The following KAT6B variants were observed in gnomAD, a reference collection of about 807,000 sequenced individuals.
The protein encoded by KAT6B is histone acetyltransferase KAT6B.
In KAT6B, 10 loss-of-function variants were observed where a neutral mutation model predicts 187.5. The observed-to-expected ratio is 0.05, with a 90% confidence interval of 0.03 to 0.09. The LOEUF (loss-of-function observed/expected upper bound fraction) is 0.09. KAT6B is among the 10% of genes least tolerant of loss of function. KAT6B has a pLI of 1.00. For synonymous variants in KAT6B, 861 were observed against 926.8 expected (o/e 0.93, Z 1.29); for missense variants, 1,952 against 2,558.9 (o/e 0.76, Z 5.12).
chr10:74,842,452 A>G, intron 2 of KAT6B, 148 bp from the exon 3 acceptor site: 1 of 436,044 alleles, frequency 2.3e-6, no homozygotes, highest in Non-Finnish European at 4.0e-6. Context: ...GTTGAAAAAT[A>G]TAGTCACTGT....
At chr10:74,915,285 C>G (rs779912701) in intron 3 of KAT6B, among the ~76,000 whole-genome samples, 3 of 152,160 alleles carry the variant, frequency 2.0e-5, no homozygotes, top group Non-Finnish European at 2.9e-5. Context: ...AATGCATACT[C>G]TCTTCACCCC....
Position 75,029,087 on chromosome 10 carries a change from C to T in KAT6B, c.4263C>T (p.Asn1421=), listed in dbSNP as rs148928516. The part of the protein sequence containing the change: ...EEEEDEEPSH[N]EDHDADDEDD... ...AAGAGGATGAAGAGCCATCCCACAACGAGGACCATGATGCCGATGACGAGG... is the reference window on the plus strand; with the variant it reads ...AAGAGGATGAAGAGCCATCCCACAATGAGGACCATGATGCCGATGACGAGG... The change falls in exon 18 of 18, where the codon AAC becomes AAT. Residue 1421 remains asparagine, a synonymous_variant. Transcript: ENST00000287239. The surrounding 1 kb of genome is among the most constrained non-coding windows in gnomAD (Gnocchi z 6.2). The T allele has an allele frequency of 2.6e-5, 42 of 1,614,126 alleles. No homozygotes were observed. In the African/African-American group the frequency reaches 3.1e-4, roughly 12 times the overall value.
chr10:75,026,820 G>C (rs1306832804), intron 17 of KAT6B, among the ~76,000 whole-genome samples: 1 of 152,080 alleles, frequency 6.6e-6, no homozygotes, highest in African/African-American at 2.4e-5. Flanking sequence ...AAGCCGGTAG[G>C]TCCAGTAGCA....
chr10:74,945,312 C>T (rs886937400), intron 3 of KAT6B, among the ~76,000 whole-genome samples: 8 of 151,936 alleles, frequency 5.3e-5, no homozygotes, highest in African/African-American at 1.2e-4. Context: ...TTATAACAGG[C>T]GAAACTAATC....
chr10:74,848,822 A>C (rs1842287618), intron 3 of KAT6B, among the ~76,000 whole-genome samples: 1 of 152,322 alleles, frequency 6.6e-6, no homozygotes, highest in South Asian at 2.1e-4. Flanking sequence ...TGATTGTACT[A>C]TAATTTCCTA....
At chr10:74,834,281 A>G (rs1841103152) in intron 1 of KAT6B, among the ~76,000 whole-genome samples, 1 of 147,614 alleles carries the variant, frequency 6.8e-6, no homozygotes, top group Non-Finnish European at 1.5e-5. Flanking sequence ...CACTGCATCC[A>G]CCACCTCCGG....
rs918638679 is a variant in KAT6B at position 75,024,945 on chromosome 10, G to A, written c.3373-13G>A. The A allele has an allele frequency of 6.2e-7, 1 of 1,613,290 alleles. No individual in the cohort carries two copies. Among genetic ancestry groups the A allele is most frequent in the Middle Eastern group, 1.6e-4 (1 of 6,062 alleles). ...CATGAGCTCTTATGTGTTATGTTTGGAATTAATTTCAGAGGCCTTTTGTAC... is the reference window on the plus strand; with the variant it reads ...CATGAGCTCTTATGTGTTATGTTTGAAATTAATTTCAGAGGCCTTTTGTAC... On this transcript the variant is annotated splice_polypyrimidine_tract_variant and intron_variant, in intron 16 of 17. Transcript: ENST00000287239.
intron 3 of KAT6B, among the ~76,000 whole-genome samples, chr10:74,892,196 A>C (rs1413573269): frequency 2.0e-5 from 3 of 152,124 alleles, no homozygotes; most frequent in Non-Finnish European, 1.5e-5. Flanking sequence ...AGCAAGACCC[A>C]GTCTCTACAC....
intron 8 of KAT6B, 73 bp downstream of exon 8, chr10:74,976,403 C>A: frequency 2.5e-6 from 3 of 1,196,244 alleles, no homozygotes; most frequent in Non-Finnish European, 3.7e-6. Flanking sequence ...AAAAATCAAC[C>A]AATCAATTCC....
intron 3 of KAT6B, among the ~76,000 whole-genome samples, chr10:74,900,857 G>A (rs1184383342): frequency 2.0e-5 from 3 of 152,194 alleles, no homozygotes; most frequent in Admixed American, 6.5e-5. Flanking sequence ...TATTCTAAGT[G>A]ATTCTTGACT....
At chr10:74,841,740 T>G (rs901503651) in intron 2 of KAT6B, among the ~76,000 whole-genome samples, 2 of 152,196 alleles carry the variant, frequency 1.3e-5, no homozygotes, top group Non-Finnish European at 2.9e-5. Flanking sequence ...ATAAAAAGAA[T>G]TAAGAAGTGG....
chr10:74,974,455 T>TA (rs748243689), intron 7 of KAT6B, among the ~76,000 whole-genome samples: 24 of 152,220 alleles, frequency 1.6e-4, no homozygotes, highest in Non-Finnish European at 3.1e-4. Context: ...GCCCCAGCAT[T>TA]GTCATAATTC....
At chr10:74,942,985 A>G (rs193057839) in intron 3 of KAT6B, among the ~76,000 whole-genome samples, 3 of 152,282 alleles carry the variant, frequency 2.0e-5, no homozygotes, top group Admixed American at 6.5e-5. Context: ...AGTATTAAGT[A>G]TTAATGATAA....
chr10:74,863,409 A>G (rs1843329393), intron 3 of KAT6B, among the ~76,000 whole-genome samples: 1 of 152,176 alleles, frequency 6.6e-6, no homozygotes, highest in South Asian at 2.1e-4. Flanking sequence ...TGCTATTACA[A>G]ATAATACCGC....
intron 3 of KAT6B, among the ~76,000 whole-genome samples, chr10:74,859,944 A>G (rs1843063072): frequency 6.6e-6 from 1 of 152,258 alleles, no homozygotes; most frequent in African/African-American, 2.4e-5. Flanking sequence ...TTTGGAGAAC[A>G]TTGATCAGGT....
At chr10:74,960,204 ATTTT>A in intron 4 of KAT6B, 126 bp downstream of exon 4, 2 of 739,376 alleles carry the variant, frequency 2.7e-6, no homozygotes, top group Admixed American at 4.3e-5. Context: ...TAGGCTTTAA[ATTTT>A]AAAAGAAAAA....
chr10:74,979,439 A>G, intron 10 of KAT6B, 100 bp downstream of exon 10: 1 of 911,456 alleles, frequency 1.1e-6, no homozygotes, highest in East Asian at 2.6e-5. Context: ...ATTTTAGGAA[A>G]TAAATTTTGG....
chr10:74,951,616 C>CTG lies in KAT6B; in HGVS notation c.622-8353_622-8352dup, dbSNP rs772273649. On this transcript the variant is annotated intron_variant, in intron 3 of 17. Coordinates refer to ENST00000287239, the MANE Select transcript of KAT6B (RefSeq NM_012330.4). Reference sequence around the variant, plus strand: ...ACTAAGCAAGCCCTAATAGTGAATACTGGGCAGATAATTTTCCTCCCAACT... The same window carrying CTG: ...ACTAAGCAAGCCCTAATAGTGAATACTGTGGGCAGATAATTTTCCTCCCAACT... 8.5e-5 allele frequency among the ~76,000 whole-genome samples: 13 copies of CTG among 152,298 alleles called. No homozygotes were observed. In the South Asian group the frequency reaches 1.0e-3, roughly 12 times the overall value.
chr10:74,989,522 G>A lies in KAT6B; in HGVS notation c.2629+410G>A, dbSNP rs562781855. On this transcript the variant is annotated intron_variant, in intron 13 of 17. Transcript: ENST00000287239. ...TCTTGTACAGTACAAAGCAGAAAAG[G>A]TATATTTCCATTTAGAAAAATAATT... is the stretch of plus-strand genomic sequence containing the variant. 2.9e-4 allele frequency among the ~76,000 whole-genome samples: 44 copies of A among 152,304 alleles called. 1 individual carries two copies. In the South Asian group the frequency reaches 8.9e-3, roughly 31 times the overall value.
Sources: gnomAD v4.1 joint callset for allele counts (sites outside exome capture counted in the v4.1 genomes callset) on GRCh38, gnomAD v4.1.1 for gene constraint, Gnocchi (gnomAD v3.1) non-coding constraint, MANE v1.5 for transcripts, NCBI Gene and HGNC (gene_info 2026-07-23, HGNC 2026-07-21) for gene names.